The following ANO2 variants were observed in gnomAD, a reference collection of about 807,000 sequenced individuals.
The protein encoded by ANO2 is anoctamin 2.
In ANO2, 101 loss-of-function variants were observed where a neutral mutation model predicts 124.2. That is an observed-to-expected ratio of 0.81 (90% CI 0.69 to 0.96). The LOEUF is 0.96. Among genes scored for constraint, ANO2 ranks in the 40% least tolerant of loss-of-function variants. The pLI, the probability that ANO2 is intolerant of heterozygous loss-of-function variation, is 0.00. For missense variants in ANO2, 1,293 were observed against 1,274.5 expected (o/e 1.01, Z -0.22); for synonymous variants, 486 against 482.5 (o/e 1.01, Z -0.09).
At chr12:5,919,294 G>A (rs1410795254) in intron 3 of ANO2, among the ~76,000 whole-genome samples, 1 of 152,150 alleles carries the variant, frequency 6.6e-6, no homozygotes, top group African/African-American at 2.4e-5. Context: ...AGTGCCCAAA[G>A]CACAGAGGGC....
intron 14 of ANO2, among the ~76,000 whole-genome samples, chr12:5,725,611 G>T (rs547994413): frequency 6.6e-6 from 1 of 152,272 alleles, no homozygotes; most frequent in Non-Finnish European, 1.5e-5. Context: ...GAAATCCAGG[G>T]TATTTCTCCT....
intron 14 of ANO2, among the ~76,000 whole-genome samples, chr12:5,704,566 A>T (rs1949530703): frequency 6.6e-6 from 1 of 152,152 alleles, no homozygotes; most frequent in South Asian, 2.1e-4. Flanking sequence ...TGGTGGGCAG[A>T]TTTGACAGTT....
intron 15 of ANO2, among the ~76,000 whole-genome samples, chr12:5,646,064 C>G (rs1319848402): frequency 6.6e-6 from 1 of 152,210 alleles, no homozygotes; most frequent in East Asian, 1.9e-4. Flanking sequence ...CATCTTTACT[C>G]TGAACATAGC....
intron 9 of ANO2, among the ~76,000 whole-genome samples, chr12:5,803,817 C>G (rs4930805): frequency 0.47 from 71,905 of 152,070 alleles, 17,951 homozygotes; most frequent in South Asian, 0.56. Context: ...CTGAGTCACG[C>G]AAGCTGCACA....
At position 5,563,485 on chromosome 12, in the gene ANO2, C is replaced by A. The variant is rs1941564972; in HGVS notation, c.2811G>T (p.Glu937Asp). ...GGAAGAAATCCACTAATAAGCTCTT[C>A]TCTTTCTTGATCTGGTCGCTGATGT... Reference protein sequence around the residue: ...PTDISDQIKKEKSLLVDFFLK... With the variant: ...PTDISDQIKKDKSLLVDFFLK... The change falls in exon 25 of 25, where the codon GAG becomes GAT. Residue 937 changes from glutamate to aspartate, a missense_variant. Glu to Asp is a conservative substitution (Grantham distance 45, BLOSUM62 2). Transcript: ENST00000682330. The A allele has an allele frequency of 1.9e-6, 3 of 1,613,886 alleles. No individual in the cohort carries two copies. Among genetic ancestry groups the A allele is most frequent in the Non-Finnish European group, 2.5e-6 (3 of 1,179,910 alleles).
At chr12:5,830,845 G>T (rs958031979) in intron 5 of ANO2, among the ~76,000 whole-genome samples, 1 of 152,134 alleles carries the variant, frequency 6.6e-6, no homozygotes, top group Non-Finnish European at 1.5e-5. Context: ...TAAAGAAAAA[G>T]ATTACACCAT....
intron 1 of ANO2, among the ~76,000 whole-genome samples, chr12:5,923,230 A>ACGCACACACACC: frequency 6.7e-6 from 1 of 149,070 alleles, no homozygotes; most frequent in African/African-American, 2.5e-5. Context: ...ACACACATGC[A>ACGCACACACACC]CACATACACA....
chr12:5,776,857 C>T (rs537298136), intron 10 of ANO2, among the ~76,000 whole-genome samples: 2 of 152,204 alleles, frequency 1.3e-5, no homozygotes, highest in South Asian at 2.1e-4. Context: ...CAACCTTGGC[C>T]TGACTCTGGA....
intron 16 of ANO2, among the ~76,000 whole-genome samples, chr12:5,629,385 G>T (rs1945586825): frequency 6.6e-6 from 1 of 152,174 alleles, no homozygotes; most frequent in African/African-American, 2.4e-5. Context: ...CATTGCCTAT[G>T]TTGGTTATGC....
intron 6 of ANO2, 137 bp downstream of exon 6, chr12:5,830,298 A>G: frequency 2.4e-6 from 2 of 828,630 alleles, no homozygotes; most frequent in Non-Finnish European, 1.9e-6. Flanking sequence ...AAGCTCTTGC[A>G]TACTCTTCTC....
chr12:5,933,517 G>C (rs1942520765), intron 1 of ANO2, among the ~76,000 whole-genome samples: 1 of 152,274 alleles, frequency 6.6e-6, no homozygotes. Context: ...TGGGTGGATG[G>C]ACAGGTGGGT....
chr12:5,812,984 G>A (rs1256459672), intron 7 of ANO2, among the ~76,000 whole-genome samples: 1 of 87,456 alleles, frequency 1.1e-5, no homozygotes, highest in Non-Finnish European at 2.6e-5. Context: ...AAGGAAGGAA[G>A]GGTAAGCAAA....
chr12:5,797,809 A>G lies in ANO2; in HGVS notation c.1055+1698T>C, dbSNP rs145064795. Among the ~76,000 whole-genome samples the G allele has an allele frequency of 1.2e-3, 190 of 152,284 alleles. 2 individuals carry two copies. The highest frequency in any genetic ancestry group is 4.2e-3 in the African/African-American group (175 of 41,568). On this transcript the variant is annotated intron_variant, in intron 10 of 24. Coordinates refer to ENST00000682330, the MANE Select transcript of ANO2 (RefSeq NM_001364791.2). ...CCATCTGATCTGTGAGGAGCTGTAG[A>G]CAGCCTCCGGCCCTGCTCCAGTACA...
At chr12:5,760,251 A>C (rs1951698908) in intron 10 of ANO2, among the ~76,000 whole-genome samples, 1 of 152,222 alleles carries the variant, frequency 6.6e-6, no homozygotes, top group South Asian at 2.1e-4. Context: ...TTACCAGTTA[A>C]GCCTCTAAAA....
intron 17 of ANO2, 144 bp from the exon 18 acceptor site, chr12:5,613,102 G>T (rs1944627490): frequency 1.3e-6 from 1 of 762,800 alleles, no homozygotes; most frequent in Non-Finnish European, 2.3e-6. Flanking sequence ...TCAGGGATAG[G>T]AGTGCACACT....
At chr12:5,790,616 C>T (rs1272930379) in intron 10 of ANO2, among the ~76,000 whole-genome samples, 2 of 152,208 alleles carry the variant, frequency 1.3e-5, no homozygotes, top group African/African-American at 2.4e-5. Context: ...AAGCCAGTTA[C>T]TAAGCCCTTC....
intron 9 of ANO2, among the ~76,000 whole-genome samples, chr12:5,803,890 A>G (rs1482951743): frequency 1.3e-5 from 2 of 152,170 alleles, no homozygotes; most frequent in East Asian, 3.9e-4. Context: ...TGGCTTGCCT[A>G]GAATCTGCCT....
chr12:5,583,418 C>T (rs1006245350), intron 20 of ANO2, among the ~76,000 whole-genome samples: 3 of 152,014 alleles, frequency 2.0e-5, no homozygotes, highest in Non-Finnish European at 2.9e-5. Context: ...CTTTGGGAGG[C>T]CGAGGCGGGC....
chr12:5,852,295 A>G (rs577708847), intron 4 of ANO2, among the ~76,000 whole-genome samples: 430 of 152,312 alleles, frequency 2.8e-3, no homozygotes, highest in Non-Finnish European at 5.0e-3. Context: ...GGAGACAAAA[A>G]ACGCAGCAGT....
Sources: allele counts gnomAD v4.1 joint callset (sites outside exome capture counted in the v4.1 genomes callset), GRCh38; gene constraint gnomAD v4.1.1; transcripts MANE v1.5; gene names NCBI Gene and HGNC (gene_info 2026-07-23, HGNC 2026-07-21).